TAFA2: variants seen among roughly 807,000 people sequenced by gnomAD.
The protein encoded by TAFA2 is TAFA chemokine like family member 2, also known as chemokine-like protein TAFA-2.
TAFA2 carries 7 observed loss-of-function variants against 18.8 expected under a neutral mutation model. That is an observed-to-expected ratio of 0.37 (90% CI 0.21 to 0.70). The LOEUF (loss-of-function observed/expected upper bound fraction) is 0.70. TAFA2 is among the 30% of genes least tolerant of loss of function. The pLI, the probability that TAFA2 is intolerant of heterozygous loss-of-function variation, is 0.53. For synonymous variants in TAFA2, 60 were observed against 54.2 expected, an observed-to-expected ratio of 1.11 and a Z score of -0.47; for missense variants, 122 against 158.1, an observed-to-expected ratio of 0.77 and a Z score of 1.23.
intron 1 of TAFA2, among the ~76,000 whole-genome samples, chr12:62,158,776 T>C (rs188210271): frequency 6.6e-6 from 1 of 152,206 alleles, no homozygotes. Flanking sequence ...AGGTAAGATA[T>C]CTACTTAAAA....
chr12:62,121,965 C>T (rs1870216665), intron 1 of TAFA2, among the ~76,000 whole-genome samples: 1 of 152,166 alleles, frequency 6.6e-6, no homozygotes, highest in South Asian at 2.1e-4. Flanking sequence ...CAAATTAACA[C>T]AGGAACAGAA....
In TAFA2 at chr12:61,794,978, A is replaced by G. The variant is rs541720058; in HGVS notation, c.107-39954T>C. Among the ~76,000 whole-genome samples, 23 of 152,336 alleles carry G rather than the reference A, an allele frequency of 1.5e-4. 1 individual carries two copies. The South Asian group carries it at 4.6e-3, about 30-fold the overall frequency. On this transcript the variant is annotated intron_variant, in intron 2 of 4. Transcript: ENST00000416284. ...TATGCAGCCAACAGACACATGAAAA[A>G]ATGCTCATCATCACTGGCCATCAGA...
chr12:61,736,458 C>A (rs1262480484), intron 4 of TAFA2, among the ~76,000 whole-genome samples: 1 of 150,894 alleles, frequency 6.6e-6, no homozygotes, highest in East Asian at 1.9e-4. Flanking sequence ...ATGAGTCATT[C>A]ATAAAATTAA....
chr12:62,231,749 A>G (rs2062812961), intron 1 of TAFA2, among the ~76,000 whole-genome samples: 1 of 152,350 alleles, frequency 6.6e-6, no homozygotes, highest in Non-Finnish European at 1.5e-5. Flanking sequence ...ATACTTAAGA[A>G]CGGATACGTT....
In TAFA2 at chr12:62,044,168, G is replaced by C. The variant is rs899925835; in HGVS notation, c.-2+147091C>G. 4.6e-5 allele frequency among the ~76,000 whole-genome samples: 7 copies of C among 151,740 alleles called. 1 individual carries two copies. In the South Asian group the frequency reaches 1.5e-3, roughly 32 times the overall value. On this transcript the variant is annotated intron_variant, in intron 1 of 4. Transcript: ENST00000416284. ...TTAAAAAAAAAAAGTATTTTTTTAA[G>C]ATACCAGGAAAACTCAGATTCCAAA...
intron 1 of TAFA2, among the ~76,000 whole-genome samples, chr12:62,156,726 C>G (rs544361115): frequency 6.6e-6 from 1 of 152,120 alleles, no homozygotes; most frequent in Non-Finnish European, 1.5e-5. Context: ...ATCATATGCT[C>G]TCACTGATAT....
chr12:61,888,224 T>C (rs1321048336), intron 1 of TAFA2, among the ~76,000 whole-genome samples: 1 of 152,140 alleles, frequency 6.6e-6, no homozygotes, highest in East Asian at 1.9e-4. Flanking sequence ...GCCATCCCAT[T>C]ACTGGGTATA....
intron 1 of TAFA2, among the ~76,000 whole-genome samples, chr12:61,872,683 C>T (rs1375618503): frequency 6.6e-6 from 1 of 152,136 alleles, no homozygotes; most frequent in Non-Finnish European, 1.5e-5. Flanking sequence ...GCTTCAAGCA[C>T]ACTGGCTCTC....
At chr12:61,968,788 A>G (rs546516522) in intron 1 of TAFA2, among the ~76,000 whole-genome samples, 18 of 151,846 alleles carry the variant, frequency 1.2e-4, no homozygotes, top group African/African-American at 4.3e-4. Context: ...AGATAAGTAG[A>G]AACTTGCCCC....
intron 1 of TAFA2, among the ~76,000 whole-genome samples, chr12:62,042,131 G>A (rs1246516879): frequency 6.6e-6 from 1 of 151,938 alleles, no homozygotes; most frequent in East Asian, 1.9e-4. Flanking sequence ...CTTCATATCT[G>A]AAGGGAATCC....
intron 1 of TAFA2, among the ~76,000 whole-genome samples, chr12:61,908,097 T>A (rs1270525221): frequency 1.3e-5 from 2 of 152,192 alleles, no homozygotes; most frequent in Admixed American, 6.5e-5. Context: ...AATGCTGGAA[T>A]GAATTAAGAC....
At chr12:62,193,551 A>G (rs953209083), upstream of TAFA2, among the ~76,000 whole-genome samples, 2 of 152,244 alleles carry the variant, frequency 1.3e-5, no homozygotes, top group Non-Finnish European at 2.9e-5. Flanking sequence ...TAGCTATTTT[A>G]TCTTAACATG....
At chr12:61,994,227 A>T (rs1880107167) in intron 1 of TAFA2, among the ~76,000 whole-genome samples, 1 of 152,150 alleles carries the variant, frequency 6.6e-6, no homozygotes, top group South Asian at 2.1e-4. Context: ...GAAGCCACCA[A>T]AGTGGAGCTC....
At chr12:61,763,664 C>T (rs1179363171) in intron 2 of TAFA2, among the ~76,000 whole-genome samples, 1 of 151,846 alleles carries the variant, frequency 6.6e-6, no homozygotes, top group African/African-American at 2.4e-5. Context: ...TGGAAATTGA[C>T]ACATGAGCCA....
chr12:62,194,632 T>C (rs1301452472), upstream of TAFA2, among the ~76,000 whole-genome samples: 2 of 152,216 alleles, frequency 1.3e-5, no homozygotes, highest in African/African-American at 2.4e-5. Flanking sequence ...AATTTTTAGA[T>C]CAAGATATTC....
At chr12:61,731,780 T>A (rs1021289111) in intron 4 of TAFA2, among the ~76,000 whole-genome samples, 28 of 152,202 alleles carry the variant, frequency 1.8e-4, no homozygotes, top group African/African-American at 6.0e-4. Context: ...AAGTGAAACT[T>A]CCCAAAGATG....
chr12:62,188,480 G>C (rs1390025428), intron 1 of TAFA2, among the ~76,000 whole-genome samples: 2 of 152,166 alleles, frequency 1.3e-5, no homozygotes, highest in African/African-American at 4.8e-5. Context: ...GAGTTCGTCA[G>C]TAAATGTTCA....
chr12:61,800,224 A>G (rs559775354), intron 2 of TAFA2, among the ~76,000 whole-genome samples: 6 of 152,332 alleles, frequency 3.9e-5, no homozygotes, highest in Admixed American at 2.0e-4. Context: ...ACTTTTATGT[A>G]CAATACCACT....
intron 1 of TAFA2, among the ~76,000 whole-genome samples, chr12:62,048,304 G>A (rs866135488): frequency 1.3e-5 from 2 of 152,148 alleles, no homozygotes; most frequent in Non-Finnish European, 2.9e-5. Context: ...GGGAGGAGAC[G>A]TACCAAGCAA....
Sources: allele counts gnomAD v4.1 joint callset (sites outside exome capture counted in the v4.1 genomes callset), GRCh38; gene constraint gnomAD v4.1.1; transcripts MANE v1.5; gene names NCBI Gene and HGNC (gene_info 2026-07-23, HGNC 2026-07-21).